Variants in ABL2 observed in about 807,000 individuals in gnomAD.
ABL2 encodes the protein tyrosine-protein kinase ABL2.
Under a neutral mutation model 107.7 loss-of-function variants are expected in ABL2, and 49 were observed. The observed-to-expected ratio is 0.45, with a 90% CI of 0.36 to 0.58. ABL2 has a LOEUF of 0.58. Among genes scored for constraint, ABL2 ranks in the 20% least tolerant of loss-of-function variants. The pLI is 0.00. For synonymous variants in ABL2, 549 were observed against 548.6 expected, an observed-to-expected ratio of 1.00 and a Z score of -0.01; for missense variants, 1,245 against 1,457.0, an observed-to-expected ratio of 0.85 and a Z score of 2.37.
At chr1:179,180,678 T>C (rs868259085) in intron 1 of ABL2, among the ~76,000 whole-genome samples, 1 of 152,186 alleles carries the variant, frequency 6.6e-6, no homozygotes, top group African/African-American at 2.4e-5. Context: ...AACAAAATAA[T>C]AGAGGATATT....
At chr1:179,141,644 G>A (rs1020880611) in intron 1 of ABL2, among the ~76,000 whole-genome samples, 19 of 152,028 alleles carry the variant, frequency 1.2e-4, no homozygotes, top group African/African-American at 1.9e-4. Context: ...CCTTCTTCCC[G>A]TCTCTGGTTT....
intron 1 of ABL2, among the ~76,000 whole-genome samples, chr1:179,188,997 G>A (rs1660847275): frequency 6.6e-6 from 1 of 152,118 alleles, no homozygotes; most frequent in Non-Finnish European, 1.5e-5. Context: ...TAAACAAAAT[G>A]TAACATGTTA....
In ABL2 at chr1:179,159,164, T is replaced by C. The variant is rs536582984; in HGVS notation, c.158-25790A>G. ...TTTCCTCATCTAAAAGTGAACAGTA[T>C]AACTTGGATGTAACCTAAATTCAAC... On this transcript the variant is annotated intron_variant, in intron 1 of 11. Coordinates refer to ENST00000502732, the MANE Select transcript of ABL2 (RefSeq NM_007314.4). Among the ~76,000 whole-genome samples the C allele has an allele frequency of 2.7e-3, 416 of 152,330 alleles. 1 individual carries two copies. The highest frequency in any genetic ancestry group is 9.0e-3 in the African/African-American group (374 of 41,574).
Position 179,102,371 on chromosome 1 carries a change from T to C in ABL2, c.*5347A>G, listed in dbSNP as rs1653170829. On this transcript the variant is annotated 3_prime_UTR_variant, in exon 12 of 12. Transcript: ENST00000502732. Reference sequence around the variant, plus strand: ...ACTCTATCCAAATGATATAGATATCTTGACTGTTAAGAGTTGGAGACGTTT... The same window carrying C: ...ACTCTATCCAAATGATATAGATATCCTGACTGTTAAGAGTTGGAGACGTTT... The C allele has an allele frequency of 1.4e-5, 3 of 209,616 alleles. No individual in the cohort carries two copies. Among genetic ancestry groups the C allele is most frequent in the Non-Finnish European group, 2.9e-5 (3 of 102,958 alleles). The allele number at this position is 209,616 out of a possible 1,614,324, so 13.0% of individuals were successfully genotyped here. A position where few individuals can be genotyped will look rare whatever the true frequency, so the allele number is the denominator to read the frequency against.
rs1653691065 is a variant in ABL2 at position 179,108,496 on chromosome 1, G to A, written c.2771C>T (p.Pro924Leu). The A allele has an allele frequency of 1.2e-6, 2 of 1,614,062 alleles. No individual in the cohort carries two copies. ...PSPAKAAPVL[P>L]TTHNHKVPVL... ...TGGCACTTTGTGGTTGTGAGTGGTT[G>A]GGAGGACGGGGGCAGCCTTGGCTGG... Residue 924 changes from proline to leucine, a missense_variant, in exon 12 of 12, where the codon CCA (proline) becomes CTA (leucine). Pro to Leu is a moderately conservative substitution (Grantham distance 98, BLOSUM62 -3). Transcript: ENST00000502732.
At chr1:179,219,243 ACGT>A (rs1222630735) in intron 1 of ABL2, among the ~76,000 whole-genome samples, 2 of 152,166 alleles carry the variant, frequency 1.3e-5, no homozygotes, top group African/African-American at 4.8e-5. Context: ...GGGTTTCGCC[ACGT>A]TGCCTAGGCT....
At chr1:179,167,369 A>G (rs1010963344) in intron 1 of ABL2, among the ~76,000 whole-genome samples, 8 of 152,220 alleles carry the variant, frequency 5.3e-5, no homozygotes, top group Admixed American at 2.0e-4. Flanking sequence ...ATGGAGCGAG[A>G]GTATAAAATT....
intron 1 of ABL2, among the ~76,000 whole-genome samples, chr1:179,187,306 T>C (rs1660730117): frequency 6.6e-6 from 1 of 152,264 alleles, no homozygotes; most frequent in Admixed American, 6.5e-5. Flanking sequence ...CATTTTTATA[T>C]TCCATTTATT....
At chr1:179,177,435 C>T (rs1399058137) in intron 1 of ABL2, among the ~76,000 whole-genome samples, 2 of 152,202 alleles carry the variant, frequency 1.3e-5, no homozygotes, top group Non-Finnish European at 2.9e-5. Context: ...GAGATTGTTT[C>T]TGGGAGCATC....
chr1:179,134,900 T>C (rs946999445), intron 1 of ABL2, among the ~76,000 whole-genome samples: 78 of 152,356 alleles, frequency 5.1e-4, no homozygotes, highest in African/African-American at 1.9e-3. Context: ...TGACTGGTTT[T>C]CGTATTTTTT....
intron 3 of ABL2, among the ~76,000 whole-genome samples, chr1:179,128,395 C>T (rs1284130557): frequency 1.3e-5 from 2 of 151,936 alleles, no homozygotes; most frequent in East Asian, 3.8e-4. Context: ...TGCTCTGTAG[C>T]TTTTCTCTGT....
chr1:179,179,457 AG>A (rs1382728038), intron 1 of ABL2, among the ~76,000 whole-genome samples: 4 of 151,574 alleles, frequency 2.6e-5, no homozygotes, highest in Non-Finnish European at 5.9e-5. Flanking sequence ...GCTATCTTAA[AG>A]GGTTTTTTTT....
At chr1:179,226,140 G>GTTTCCTATA (rs975684026) in intron 1 of ABL2, among the ~76,000 whole-genome samples, 9 of 145,386 alleles carry the variant, frequency 6.2e-5, no homozygotes, top group African/African-American at 2.3e-4. Context: ...CTGCACCTTT[G>GTTTCCTATA]TTTCCTATAT....
At chr1:179,224,575 T>A (rs2124872991) in intron 1 of ABL2, among the ~76,000 whole-genome samples, 1 of 152,058 alleles carries the variant, frequency 6.6e-6, no homozygotes, top group Non-Finnish European at 1.5e-5. Flanking sequence ...AGCCTAAAGT[T>A]AATTTTTAAT....
chr1:179,164,030 TG>T (rs1659238016), intron 1 of ABL2, among the ~76,000 whole-genome samples: 1 of 152,138 alleles, frequency 6.6e-6, no homozygotes, highest in Non-Finnish European at 1.5e-5. Context: ...CATCAGTGGC[TG>T]CCAGGGATTA....
intron 1 of ABL2, chr1:179,183,616 G>T (rs28914479): frequency 1.3e-5 from 2 of 151,978 alleles, no homozygotes; most frequent in East Asian, 1.9e-4. Context: ...TAATACAAAC[G>T]TAAGTTAAAA....
chr1:179,217,419 A>G (rs1218639568), intron 1 of ABL2, among the ~76,000 whole-genome samples: 3 of 151,970 alleles, frequency 2.0e-5, no homozygotes, highest in Non-Finnish European at 4.4e-5. Flanking sequence ...TGAGGTCAGG[A>G]GTTCAAGACT....
Position 179,117,523 on chromosome 1 carries a change from G to C in ABL2, c.1224-7C>G. The C allele has an allele frequency of 1.2e-6, 2 of 1,613,750 alleles. No homozygotes were observed. Among genetic ancestry groups the C allele is most frequent in the Non-Finnish European group, 1.7e-6 (2 of 1,179,938 alleles). ...GTTACGAGCTGCAAGATCTCTGTGG[G>C]AAAGAGAACCCTAATGTGATTCCAT... On this transcript the variant is annotated splice_region_variant and splice_polypyrimidine_tract_variant and intron_variant, in intron 7 of 11. Coordinates refer to ENST00000502732, the MANE Select transcript of ABL2 (RefSeq NM_007314.4).
chr1:179,201,763 G>C, intron 1 of ABL2: 3 of 842,556 alleles, frequency 3.6e-6, no homozygotes, highest in Non-Finnish European at 5.7e-6. Flanking sequence ...CCCACCAATA[G>C]GGAAAATTAT....
Sources: gnomAD v4.1 joint callset for allele counts (sites outside exome capture counted in the v4.1 genomes callset) on GRCh38, gnomAD v4.1.1 for gene constraint, MANE v1.5 for transcripts, NCBI Gene and HGNC (gene_info 2026-07-23, HGNC 2026-07-21) for gene names.